GALNT13: variants seen among roughly 807,000 people sequenced by gnomAD.
GALNT13 encodes the protein UDP-GalNAc:polypeptide N-acetylgalactosaminyltransferase 13.
GALNT13 carries 28 observed loss-of-function variants against 64.2 expected under a neutral mutation model. The observed-to-expected ratio is 0.44, with a 90% CI of 0.32 to 0.60. The LOEUF (loss-of-function observed/expected upper bound fraction) is 0.60, where lower values mean the gene tolerates loss of function less well. Among genes scored for constraint, GALNT13 ranks in the 20% least tolerant of loss-of-function variants. GALNT13 has a pLI of 0.05. For synonymous variants in GALNT13, 214 were observed against 224.6 expected (o/e 0.95, Z 0.42); for missense variants, 577 against 669.8 (o/e 0.86, Z 1.53).
At chr2:153,138,031 G>A in the GALNT13 span, among the ~76,000 whole-genome samples, 2 of 152,172 alleles carry the variant, frequency 1.3e-5, no homozygotes, top group East Asian at 3.9e-4. Context: ...GTATGTGCCA[G>A]ACTCTGTTTT....
chr2:153,339,272 G>T, the GALNT13 span, among the ~76,000 whole-genome samples: 1 of 152,064 alleles, frequency 6.6e-6, no homozygotes, highest in African/African-American at 2.4e-5. Context: ...TCACATTCTT[G>T]CCAACACTTA....
At chr2:153,358,994 A>G in the GALNT13 span, among the ~76,000 whole-genome samples, 5 of 152,220 alleles carry the variant, frequency 3.3e-5, no homozygotes, top group African/African-American at 1.2e-4. Flanking sequence ...TATATTATAC[A>G]AATCCTTTCA....
the GALNT13 span, among the ~76,000 whole-genome samples, chr2:153,146,838 C>T: frequency 7.4e-4 from 113 of 151,864 alleles, no homozygotes; most frequent in Non-Finnish European, 7.4e-5. Flanking sequence ...TAACTATTTG[C>T]TCATGGGATT....
chr2:154,408,883 A>G (rs920912470), intron 10 of GALNT13, 101 bp from the exon 11 acceptor site: 1 of 726,352 alleles, frequency 1.4e-6, no homozygotes, highest in Non-Finnish European at 2.4e-6. Flanking sequence ...ATGAAGTTGT[A>G]TTATTCAGTT....
chr2:154,104,325 C>A lies in GALNT13; in HGVS notation c.143-36012C>A, dbSNP rs942241883. On this transcript the variant is annotated intron_variant, in intron 3 of 12. Transcript: ENST00000392825. ...TTTGCAGCTGGTCTGCCCTCCGATG[C>A]AAGGACACTTCTGCTGTGTGTAGAG... Among the ~76,000 whole-genome samples the A allele has an allele frequency of 5.9e-5, 9 of 152,272 alleles. No homozygotes were observed. The East Asian group carries it at 1.6e-3, about 26-fold the overall frequency.
the GALNT13 span, among the ~76,000 whole-genome samples, chr2:153,499,061 T>C: frequency 3.3e-5 from 5 of 152,140 alleles, no homozygotes; most frequent in Non-Finnish European, 7.3e-5. Flanking sequence ...CCAGCCAGGA[T>C]GGTCTCGATC....
chr2:154,238,117 C>G (rs910383949), intron 4 of GALNT13, among the ~76,000 whole-genome samples: 2 of 151,972 alleles, frequency 1.3e-5, no homozygotes, highest in African/African-American at 2.4e-5. Context: ...TTAACAAGAT[C>G]CGCACATAAT....
the GALNT13 span, among the ~76,000 whole-genome samples, chr2:153,283,158 G>C: frequency 6.6e-6 from 1 of 152,172 alleles, no homozygotes; most frequent in Non-Finnish European, 1.5e-5. Flanking sequence ...AAAGATGGGA[G>C]GGGCCAGACA....
At chr2:153,891,114 T>A (rs962821064) in intron 1 of GALNT13, among the ~76,000 whole-genome samples, 1 of 152,078 alleles carries the variant, frequency 6.6e-6, no homozygotes, top group Admixed American at 6.6e-5. Flanking sequence ...CTAACAGAAT[T>A]CTTTTTGTGC....
the GALNT13 span, among the ~76,000 whole-genome samples, chr2:153,300,327 A>AGAT: frequency 6.6e-6 from 1 of 152,040 alleles, no homozygotes; most frequent in African/African-American, 2.4e-5. Context: ...TTGATATGAG[A>AGAT]GATGTTGGGT....
the GALNT13 span, among the ~76,000 whole-genome samples, chr2:153,144,815 G>T: frequency 1.3e-5 from 2 of 151,758 alleles, no homozygotes; most frequent in Non-Finnish European, 2.9e-5. Flanking sequence ...CCAGTTTCTT[G>T]CCGAGTTAAG....
the GALNT13 span, among the ~76,000 whole-genome samples, chr2:153,229,988 G>A: frequency 1.3e-5 from 2 of 152,194 alleles, no homozygotes; most frequent in East Asian, 3.9e-4. Flanking sequence ...GTTTTCTGAG[G>A]TTATTAGAAA....
chr2:154,218,894 C>T (rs1164374684), intron 4 of GALNT13, among the ~76,000 whole-genome samples: 1 of 151,944 alleles, frequency 6.6e-6, no homozygotes, highest in Non-Finnish European at 1.5e-5. Flanking sequence ...AACATTTTAT[C>T]TTTTGTATGA....
At chr2:153,947,598 T>C (rs1221733316) in intron 3 of GALNT13, among the ~76,000 whole-genome samples, 1 of 152,062 alleles carries the variant, frequency 6.6e-6, no homozygotes, top group Non-Finnish European at 1.5e-5. Flanking sequence ...GTCAGATGCA[T>C]AGATTGCAAA....
rs368925258 is a variant in GALNT13 at position 154,085,222 on chromosome 2, T to C, written c.143-55115T>C. 1.6e-4 allele frequency among the ~76,000 whole-genome samples: 25 copies of C among 152,146 alleles called. No homozygotes were observed. In the East Asian group the frequency reaches 4.6e-3, roughly 28 times the overall value. On this transcript the variant is annotated intron_variant, in intron 3 of 12. Coordinates refer to ENST00000392825, the MANE Select transcript of GALNT13 (RefSeq NM_052917.4). ...TCAAATCATATCTTTTAAGAAGAAA[T>C]ATATTCTTTACTTTCCTGCTTAAAT...
intron 9 of GALNT13, among the ~76,000 whole-genome samples, chr2:154,368,736 C>T (rs890605323): frequency 1.3e-5 from 2 of 152,140 alleles, no homozygotes; most frequent in Non-Finnish European, 2.9e-5. Context: ...GTTATAGGAA[C>T]AGGGCCTGGG....
At chr2:153,961,595 T>A (rs560013466) in intron 3 of GALNT13, among the ~76,000 whole-genome samples, 1 of 152,264 alleles carries the variant, frequency 6.6e-6, no homozygotes, top group East Asian at 1.9e-4. Context: ...AAATTAGAAT[T>A]ACAATGAAAA....
At chr2:153,289,733 G>A in the GALNT13 span, among the ~76,000 whole-genome samples, 4 of 152,334 alleles carry the variant, frequency 2.6e-5, no homozygotes, top group East Asian at 5.8e-4. Flanking sequence ...TTCAGGGACA[G>A]ACAGATGAAT....
At chr2:153,212,329 A>G in the GALNT13 span, among the ~76,000 whole-genome samples, 2 of 152,194 alleles carry the variant, frequency 1.3e-5, no homozygotes, top group Non-Finnish European at 1.5e-5. Context: ...CCTCCGTCAC[A>G]GCTTGGTTGA....
Sources: gnomAD v4.1 joint callset for allele counts (sites outside exome capture counted in the v4.1 genomes callset) on GRCh38, gnomAD v4.1.1 for gene constraint, MANE v1.5 for transcripts, NCBI Gene and HGNC (gene_info 2026-07-23, HGNC 2026-07-21) for gene names.